TTC7A: variants seen among roughly 807,000 people sequenced by gnomAD.
TTC7A encodes tetratricopeptide repeat protein 7A.
A neutral mutation model predicts 103.7 loss-of-function variants in TTC7A; 110 were observed. The observed-to-expected ratio is 1.06, with a 90% CI of 0.91 to 1.24. TTC7A has a LOEUF of 1.24. TTC7A is among the 50% of genes most tolerant of loss of function. The probability of loss-of-function intolerance (pLI) is 0.00; values close to 1 mark genes in which losing one functional copy is unlikely to be tolerated. For missense variants in TTC7A, 1,340 were observed against 1,116.3 expected (o/e 1.20, Z -2.86); for synonymous variants, 521 against 467.9 (o/e 1.11, Z -1.47).
At chr2:47,012,384 A>C (rs940923518) in intron 11 of TTC7A, among the ~76,000 whole-genome samples, 1 of 152,096 alleles carries the variant, frequency 6.6e-6, no homozygotes, top group African/African-American at 2.4e-5. Flanking sequence ...ACATCTCCCC[A>C]GTTCCTTCAT....
At chr2:47,057,543 A>G (rs1043282774) in intron 18 of TTC7A, among the ~76,000 whole-genome samples, 1 of 152,220 alleles carries the variant, frequency 6.6e-6, no homozygotes, top group African/African-American at 2.4e-5. Context: ...GAGACAGCGC[A>G]GCAAGTTGTA....
intron 1 of TTC7A, among the ~76,000 whole-genome samples, chr2:46,946,212 C>G (rs879772476): frequency 2.0e-5 from 3 of 152,102 alleles, no homozygotes; most frequent in Non-Finnish European, 4.4e-5. Context: ...AGGTGCTGAG[C>G]AGGGCTGCAG....
intron 15 of TTC7A, among the ~76,000 whole-genome samples, chr2:47,041,249 T>C (rs1386722030): frequency 6.6e-6 from 1 of 152,180 alleles, no homozygotes; most frequent in African/African-American, 2.4e-5. Context: ...ACACTGCAGC[T>C]ATGGGGAATC....
At position 47,024,320 on chromosome 2, in the gene TTC7A, C is replaced by A; in HGVS notation, c.1602C>A (p.Val534=). The A allele has an allele frequency of 6.2e-7, 1 of 1,609,536 alleles. No homozygotes were observed. The highest frequency in any genetic ancestry group is 8.5e-7 in the Non-Finnish European group (1 of 1,177,928). The part of the protein sequence containing the change: ...AQQLAPSDPQ[V]ILYVSLQLAL... Reference sequence around the variant, plus strand: ...AGCTGGCGCCCAGTGACCCCCAGGTCATCCTCTATGTCTCGCTGCAGCTGG... The same window carrying A: ...AGCTGGCGCCCAGTGACCCCCAGGTAATCCTCTATGTCTCGCTGCAGCTGG... Residue 534 remains valine, a synonymous_variant, in exon 14 of 20, where the codon GTC becomes GTA. Coordinates refer to ENST00000319190, the MANE Select transcript of TTC7A (RefSeq NM_020458.4).
At chr2:46,959,316 G>A (rs1276697228) in intron 3 of TTC7A, among the ~76,000 whole-genome samples, 2 of 152,212 alleles carry the variant, frequency 1.3e-5, no homozygotes, top group Non-Finnish European at 2.9e-5. Flanking sequence ...GCCTGCAGGA[G>A]CCTGACTGAC....
chr2:46,953,007 G>T (rs777301814), intron 2 of TTC7A, among the ~76,000 whole-genome samples: 13 of 152,098 alleles, frequency 8.5e-5, no homozygotes, highest in Non-Finnish European at 4.4e-5. Flanking sequence ...CACATGTATT[G>T]TGACAACGGT....
chr2:46,996,404 G>A (rs13394109), intron 8 of TTC7A, among the ~76,000 whole-genome samples: 41,958 of 152,216 alleles, frequency 0.28, 6,497 homozygotes, highest in African/African-American at 0.41. Flanking sequence ...CCAAGATCCC[G>A]TGAGCTGGAT....
chr2:46,956,072 C>T (rs1173571661), intron 2 of TTC7A, among the ~76,000 whole-genome samples: 3 of 152,208 alleles, frequency 2.0e-5, no homozygotes, highest in Admixed American at 6.5e-5. Flanking sequence ...CAGGCAACAG[C>T]ACAGGATCCC....
chr2:47,056,192 A>T (rs951670049), intron 18 of TTC7A, among the ~76,000 whole-genome samples: 1 of 150,270 alleles, frequency 6.7e-6, no homozygotes, highest in Non-Finnish European at 1.5e-5. Flanking sequence ...CTTGATCTTC[A>T]CTCTCCTTCC....
At chr2:47,003,660 C>G (rs918852695) in intron 8 of TTC7A, among the ~76,000 whole-genome samples, 1 of 152,224 alleles carries the variant, frequency 6.6e-6, no homozygotes, top group Admixed American at 6.5e-5. Context: ...TGCAGACTGC[C>G]TGGCTCCACC....
chr2:47,034,180 AC>A (rs900362988), intron 15 of TTC7A: 23 of 152,166 alleles, frequency 1.5e-4, no homozygotes, highest in Admixed American at 1.5e-3. Flanking sequence ...GGAACCAGAC[AC>A]CCCGAGCAGC....
intron 11 of TTC7A, among the ~76,000 whole-genome samples, chr2:47,012,940 T>C (rs1333618247): frequency 6.6e-6 from 1 of 152,162 alleles, no homozygotes; most frequent in Non-Finnish European, 1.5e-5. Context: ...GAGAATTACG[T>C]GAGATCAGTC....
In TTC7A at chr2:47,049,528, G is replaced by A. The variant is rs114528037; in HGVS notation, c.1920-421G>A. On this transcript the variant is annotated intron_variant, in intron 16 of 19. Coordinates refer to ENST00000319190, the MANE Select transcript of TTC7A (RefSeq NM_020458.4). ...AAGCCTGAGGCAGGGGGTGACATCC[G>A]GGCCCTTTTTCCATAGGGGTTTGGG... 2.5e-3 allele frequency among the ~76,000 whole-genome samples: 385 copies of A among 152,058 alleles called. 3 individuals are homozygous for A. The highest frequency in any genetic ancestry group is 8.7e-3 in the African/African-American group (359 of 41,484).
At chr2:47,065,322 C>T (rs1684097118) in intron 19 of TTC7A, among the ~76,000 whole-genome samples, 1 of 152,184 alleles carries the variant, frequency 6.6e-6, no homozygotes, top group Admixed American at 6.5e-5. Context: ...AGAACTGTGG[C>T]TTACATAGCA....
At chr2:46,939,024 A>G (rs2103869236), upstream of TTC7A, among the ~76,000 whole-genome samples, 1 of 151,934 alleles carries the variant, frequency 6.6e-6, no homozygotes, top group East Asian at 1.9e-4. Flanking sequence ...AAAAAAAAAA[A>G]AAAGTACTTT....
intron 11 of TTC7A, 82 bp from the exon 12 acceptor site, chr2:47,021,780 T>G: frequency 9.2e-7 from 1 of 1,087,830 alleles, no homozygotes; most frequent in Non-Finnish European, 1.4e-6. Context: ...GGCTTCTGTT[T>G]CGGGAACAGG....
chr2:47,028,671 C>T (rs1680183024), intron 14 of TTC7A, among the ~76,000 whole-genome samples: 1 of 152,214 alleles, frequency 6.6e-6, no homozygotes, highest in African/African-American at 2.4e-5. Context: ...CTCATCCCAT[C>T]TGTCCAGAAC....
chr2:47,025,545 G>A (rs770561742), intron 14 of TTC7A, among the ~76,000 whole-genome samples: 1 of 152,056 alleles, frequency 6.6e-6, no homozygotes, highest in Non-Finnish European at 1.5e-5. Flanking sequence ...CTCAGTGCTG[G>A]GACCCCTTCC....
chr2:46,925,193 C>T (rs778697169), intron 2 of TTC7A, among the ~76,000 whole-genome samples: 3 of 152,138 alleles, frequency 2.0e-5, no homozygotes, highest in Non-Finnish European at 4.4e-5. Flanking sequence ...TGGGTTTAAG[C>T]GATCTTCCCA....
Sources: allele counts gnomAD v4.1 joint callset (sites outside exome capture counted in the v4.1 genomes callset), GRCh38; gene constraint gnomAD v4.1.1; transcripts MANE v1.5; gene names NCBI Gene and HGNC (gene_info 2026-07-23, HGNC 2026-07-21).